Variants in PALM2AKAP2 observed in about 807,000 individuals in gnomAD.
The protein encoded by PALM2AKAP2 is PALM2 and AKAP2 fusion.
A neutral mutation model predicts 71.5 loss-of-function variants in PALM2AKAP2; 37 were observed. The ratio of observed to expected loss-of-function variants is 0.52; its 90% CI spans 0.40 to 0.68. The LOEUF (loss-of-function observed/expected upper bound fraction) is 0.68. Among genes scored for constraint, PALM2AKAP2 ranks in the 30% least tolerant of loss-of-function variants. PALM2AKAP2 has a pLI of 0.00. For synonymous variants in PALM2AKAP2, 468 were observed against 478.8 expected, an observed-to-expected ratio of 0.98 and a Z score of 0.29; for missense variants, 1,224 against 1,191.8, an observed-to-expected ratio of 1.03 and a Z score of -0.40.
chr9:110,072,137 A>C (rs142032499), intron 1 of PALM2AKAP2, among the ~76,000 whole-genome samples: 146 of 152,350 alleles, frequency 9.6e-4, no homozygotes, highest in African/African-American at 3.2e-3. Flanking sequence ...AAAATATAGA[A>C]TCTTAACTAC....
rs10979993 is a variant in PALM2AKAP2 at position 109,676,053 on chromosome 9, G to A, written c.5+35187G>A. 8.4e-3 allele frequency among the ~76,000 whole-genome samples: 1,284 copies of A among 152,240 alleles called. 10 individuals carry two copies. Among genetic ancestry groups the A allele is most frequent in the Middle Eastern group, 0.014 (4 of 294 alleles). ...AATGACCTATTGTTACCTTCTAGAA[G>A]GAATTTTCACTAATTATAGTCAATG... On this transcript the variant is annotated intron_variant, in intron 1 of 6. Transcript: ENST00000374531.
intron 1 of PALM2AKAP2, among the ~76,000 whole-genome samples, chr9:109,757,912 T>C (rs1021526865): frequency 6.6e-6 from 1 of 152,064 alleles, no homozygotes; most frequent in Non-Finnish European, 1.5e-5. Flanking sequence ...TTCAAGAAGG[T>C]AATATATTCT....
intron 1 of PALM2AKAP2, among the ~76,000 whole-genome samples, chr9:109,747,729 G>C (rs1014955185): frequency 2.0e-5 from 3 of 152,004 alleles, no homozygotes; most frequent in Non-Finnish European, 4.4e-5. Flanking sequence ...GAGTACAGTG[G>C]CATGATCTCG....
chr9:110,115,510 C>T (rs1277274715), intron 1 of PALM2AKAP2, among the ~76,000 whole-genome samples: 2 of 152,166 alleles, frequency 1.3e-5, no homozygotes, highest in Non-Finnish European at 1.5e-5. Flanking sequence ...GTCCCCAGTG[C>T]CTGTCCTGAT....
chr9:109,908,600 G>A (rs1356316923), intron 3 of PALM2AKAP2, among the ~76,000 whole-genome samples: 1 of 152,200 alleles, frequency 6.6e-6, no homozygotes, highest in African/African-American at 2.4e-5. Context: ...TACAGTAAAT[G>A]CTCAGTAAAT....
chr9:110,115,026 T>C (rs1319632709), intron 1 of PALM2AKAP2, among the ~76,000 whole-genome samples: 1 of 152,216 alleles, frequency 6.6e-6, no homozygotes, highest in East Asian at 1.9e-4. Flanking sequence ...ATGCTTATCA[T>C]GCATCCCAGT....
chr9:109,919,063 G>T (rs879786735), intron 3 of PALM2AKAP2, among the ~76,000 whole-genome samples: 2 of 152,206 alleles, frequency 1.3e-5, no homozygotes, highest in Non-Finnish European at 2.9e-5. Flanking sequence ...ACCACTTAAG[G>T]TTGCTTCACT....
In PALM2AKAP2 at chr9:110,103,933, A is replaced by T. The variant is rs116498009; in HGVS notation, c.157-32194A>T. ...TCAGACTTCTCTTTTGGCCACGTGA[A>T]CGTGGATCCACCTGCCCCGTCTTCT... On this transcript the variant is annotated intron_variant, in intron 1 of 3. Transcript: ENST00000374525. 7.9e-3 allele frequency among the ~76,000 whole-genome samples: 1,204 copies of T among 152,294 alleles called. 17 individuals carry two copies. Among genetic ancestry groups the T allele is most frequent in the African/African-American group, 0.027 (1,134 of 41,562 alleles).
intron 1 of PALM2AKAP2, among the ~76,000 whole-genome samples, chr9:109,787,756 C>T (rs568959621): frequency 2.0e-4 from 30 of 152,302 alleles, no homozygotes; most frequent in South Asian, 4.1e-4. Context: ...TAAAAAAGAA[C>T]AGTATTAACT....
At chr9:110,092,582 G>A (rs1834738388) in intron 1 of PALM2AKAP2, among the ~76,000 whole-genome samples, 1 of 152,000 alleles carries the variant, frequency 6.6e-6, no homozygotes, top group Admixed American at 6.6e-5. Flanking sequence ...AGTTCTGTGT[G>A]GTTTTAAGGG....
At chr9:110,158,314 G>A (rs897097232) in intron 3 of PALM2AKAP2, among the ~76,000 whole-genome samples, 1 of 152,202 alleles carries the variant, frequency 6.6e-6, no homozygotes, top group Admixed American at 6.5e-5. Flanking sequence ...CAGCAGTTTT[G>A]GTAGAATTTA....
At chr9:109,689,865 G>T (rs1827856830) in intron 1 of PALM2AKAP2, among the ~76,000 whole-genome samples, 1 of 152,198 alleles carries the variant, frequency 6.6e-6, no homozygotes. Flanking sequence ...GCAGGATTAT[G>T]CATGTTAAAT....
chr9:109,661,460 G>A (rs566033934), intron 1 of PALM2AKAP2, among the ~76,000 whole-genome samples: 30 of 152,192 alleles, frequency 2.0e-4, no homozygotes, highest in Non-Finnish European at 3.4e-4. Flanking sequence ...GTTTGTCAAA[G>A]ATCAGATGGT....
At chr9:110,020,640 G>C (rs767105784) in intron 7 of PALM2AKAP2, among the ~76,000 whole-genome samples, 8 of 151,456 alleles carry the variant, frequency 5.3e-5, no homozygotes, top group Non-Finnish European at 1.0e-4. Flanking sequence ...CTGAGATCAC[G>C]CCACTGCACT....
At chr9:109,872,792 A>G (rs1206343936) in intron 2 of PALM2AKAP2, among the ~76,000 whole-genome samples, 1 of 152,248 alleles carries the variant, frequency 6.6e-6, no homozygotes, top group South Asian at 2.1e-4. Context: ...AACATTTAGC[A>G]CTAATTTTAG....
chr9:109,748,818 C>A (rs1342067006), intron 1 of PALM2AKAP2, among the ~76,000 whole-genome samples: 6 of 152,154 alleles, frequency 3.9e-5, no homozygotes, highest in Non-Finnish European at 1.5e-5. Context: ...GGATTAGTTT[C>A]TTCTGAGGCC....
intron 1 of PALM2AKAP2, among the ~76,000 whole-genome samples, chr9:109,804,088 C>G (rs1269966687): frequency 6.6e-6 from 1 of 152,208 alleles, no homozygotes; most frequent in Non-Finnish European, 1.5e-5. Context: ...GCACATTCCC[C>G]AGAGGGCTTC....
chr9:109,957,605 C>T lies in PALM2AKAP2; in HGVS notation c.496+25577C>T, dbSNP rs1251670349. Among the ~76,000 whole-genome samples the T allele has an allele frequency of 2.0e-5, 3 of 152,204 alleles. No homozygotes were observed. The East Asian group carries it at 5.8e-4, about 29-fold the overall frequency. ...CTGAATGAACTTAAACATTTTTCAG[C>T]TGAGATGCATTCCCACCTGCAGGGT... is the stretch of plus-strand genomic sequence containing the variant. On this transcript the variant is annotated intron_variant, in intron 6 of 9. Transcript: ENST00000302798.
chr9:109,865,609 A>G (rs564549174), intron 1 of PALM2AKAP2, among the ~76,000 whole-genome samples: 27 of 152,316 alleles, frequency 1.8e-4, no homozygotes, highest in African/African-American at 5.8e-4. Flanking sequence ...GAACAAAGTC[A>G]CAGCTGTGGG....
Sources: allele counts gnomAD v4.1 joint callset (sites outside exome capture counted in the v4.1 genomes callset), GRCh38; gene constraint gnomAD v4.1.1; transcripts MANE v1.5; gene names NCBI Gene and HGNC (gene_info 2026-07-23, HGNC 2026-07-21).